Variants in MUC5B observed in about 807,000 individuals in gnomAD.
MUC5B encodes mucin-5B.
A neutral mutation model predicts 376.9 loss-of-function variants in MUC5B; 116 were observed. That is an observed-to-expected ratio of 0.31 (90% CI 0.26 to 0.36). The LOEUF (loss-of-function observed/expected upper bound fraction) is 0.36. Among genes scored for constraint, MUC5B ranks in the 10% least tolerant of loss-of-function variants. MUC5B has a pLI of 1.00. For synonymous variants in MUC5B, 3,517 were observed against 3,390.9 expected, an observed-to-expected ratio of 1.04 and a Z score of -1.29; for missense variants, 7,165 against 7,769.9, an observed-to-expected ratio of 0.92 and a Z score of 2.93.
chr11:1,242,389 G>C lies in MUC5B; in HGVS notation c.5509G>C (p.Glu1837Gln). 2 of 1,613,882 alleles carry C rather than the reference G, an allele frequency of 1.2e-6. No homozygotes were observed. The highest frequency in any genetic ancestry group is 1.7e-6 in the Non-Finnish European group (2 of 1,179,858). ...AGAGTGCCGGGCGGAGAACTACCCCGAGGTAAGCATCGACCAGGTCGGGCA... is the reference window on the plus strand; with the variant it reads ...AGAGTGCCGGGCGGAGAACTACCCCCAGGTAAGCATCGACCAGGTCGGGCA... ...SIECRAENYP[E>Q]VSIDQVGQVL... The change falls in exon 31 of 49, where the codon GAG becomes CAG. Residue 1837 changes from glutamate (E) to glutamine (Q), a missense_variant. Physicochemically the swap from Glu to Gln is conservative, Grantham distance 29 (BLOSUM62 2). Transcript: ENST00000529681.
intron 14 of MUC5B, among the ~76,000 whole-genome samples, 180 bp from the exon 15 acceptor site, chr11:1,231,816 A>G (rs892623948): frequency 2.6e-5 from 4 of 152,198 alleles, no homozygotes; most frequent in African/African-American, 7.2e-5. Context: ...GGCTTTGCAC[A>G]GGGGCCGACT....
intron 30 of MUC5B, 54 bp downstream of exon 30, chr11:1,240,429 AC>A: frequency 4.0e-6 from 6 of 1,488,304 alleles, no homozygotes; most frequent in Non-Finnish European, 5.5e-6. Flanking sequence ...GACAAGGAGG[AC>A]CCCCTGGGCT....
Position 1,248,490 on chromosome 11 carries a change from C to T in MUC5B, c.11610C>T (p.Thr3870=), listed in dbSNP as rs371227682. ...AHTTKVPTTT[T]TGFTVTPSSS... ...CTACCAAAGTGCCGACTACCACAACCACGGGCTTCACAGTCACCCCCTCCT... is the reference window on the plus strand; with the variant it reads ...CTACCAAAGTGCCGACTACCACAACTACGGGCTTCACAGTCACCCCCTCCT... Residue 3870 remains threonine (T), a synonymous_variant, in exon 31 of 49, where the codon ACC becomes ACT. Coordinates refer to ENST00000529681, the MANE Select transcript of MUC5B (RefSeq NM_002458.3). 1.5e-5 allele frequency: 24 copies of T among 1,612,002 alleles called. No homozygotes were observed. Among genetic ancestry groups the T allele is most frequent in the Non-Finnish European group, 2.0e-5 (24 of 1,178,890 alleles).
At position 1,246,464 on chromosome 11, in the gene MUC5B, T is replaced by C. The variant is rs750974135; in HGVS notation, c.9584T>C (p.Val3195Ala). The C allele has an allele frequency of 1.2e-6, 2 of 1,613,282 alleles. No homozygotes were observed. The highest frequency in any genetic ancestry group is 8.5e-7 in the Non-Finnish European group (1 of 1,179,712). ...CGGGCAACTGCTGGCACCCTCAAAGTGCTGACCAGCACGGCCACCACACCC... is the reference window on the plus strand; with the variant it reads ...CGGGCAACTGCTGGCACCCTCAAAGCGCTGACCAGCACGGCCACCACACCC... ...STRATAGTLK[V>A]LTSTATTPTV... The change falls in exon 31 of 49, where the codon GTG becomes GCG. Residue 3195 changes from valine (V) to alanine (A), a missense_variant. Physicochemically the swap from Val to Ala is moderately conservative, Grantham distance 64 (BLOSUM62 0). Transcript: ENST00000529681.
chr11:1,257,887 G>T lies in MUC5B; in HGVS notation c.16450+177G>T, dbSNP rs1051700722. Among the ~76,000 whole-genome samples the T allele has an allele frequency of 6.6e-6, 1 of 152,176 alleles. No individual in the cohort carries two copies. Among genetic ancestry groups the T allele is most frequent in the Non-Finnish European group, 1.5e-5 (1 of 68,018 alleles). On this transcript the variant is annotated intron_variant, in intron 41 of 48. Transcript: ENST00000529681. This position sits in a 1 kb window ranked among gnomAD's most constrained non-coding sequence, Gnocchi z 8.9. ...CCAGGTGCTTCATTCTCCTCCTAACGATGAGGCTGGTGACCTCTGGCCTGC... is the reference window on the plus strand; with the variant it reads ...CCAGGTGCTTCATTCTCCTCCTAACTATGAGGCTGGTGACCTCTGGCCTGC...
At position 1,250,713 on chromosome 11, in the gene MUC5B, G is replaced by A. The variant is rs745373536; in HGVS notation, c.13833G>A (p.Thr4611=). 3.5e-5 allele frequency: 57 copies of A among 1,611,222 alleles called. No homozygotes were observed. Among genetic ancestry groups the A allele is most frequent in the Non-Finnish European group, 4.5e-5 (53 of 1,179,004 alleles). Residue 4611 remains threonine (T), a synonymous_variant, in exon 31 of 49, where the codon ACG becomes ACA. Transcript: ENST00000529681. ...FTATPSSSPG[T]ALTPPVWIST... ...CCACCCCCTCCTCCAGCCCAGGGAC[G>A]GCACTCACGCCTCCAGTGTGGATCA...
intron 7 of MUC5B, 56 bp downstream of exon 7, chr11:1,227,837 G>C (rs1405893472): frequency 3.0e-6 from 2 of 673,866 alleles, no homozygotes; most frequent in South Asian, 1.6e-5. Flanking sequence ...GGTCCAGGGG[G>C]AGCTGGGCCG....
At chr11:1,226,394 C>A in intron 3 of MUC5B, 118 bp downstream of exon 3, 1 of 1,369,574 alleles carries the variant, frequency 7.3e-7, no homozygotes, top group Middle Eastern at 1.8e-4. Flanking sequence ...GACCCAGAGT[C>A]CTCCGTGTGG....
In MUC5B at chr11:1,247,743, C is replaced by T. The variant is rs761206882; in HGVS notation, c.10863C>T (p.Ala3621=). The change falls in exon 31 of 49, where the codon GCC becomes GCT. Residue 3621 remains alanine (A), a synonymous_variant. Coordinates refer to ENST00000529681, the MANE Select transcript of MUC5B (RefSeq NM_002458.3). ...TGGGCCTCGAGTGCCGTGCCCAGGCCCAGCCTGGTGTCCCCCTGCGGGAGT... is the reference window on the plus strand; with the variant it reads ...TGGGCCTCGAGTGCCGTGCCCAGGCTCAGCCTGGTGTCCCCCTGCGGGAGT... ...QPLGLECRAQ[A]QPGVPLRELG... is the part of the protein sequence containing the mutation. 6 of 1,606,470 alleles carry T rather than the reference C, an allele frequency of 3.7e-6. No individual in the cohort carries two copies. The highest frequency in any genetic ancestry group is 4.2e-6 in the Non-Finnish European group (5 of 1,177,128).
chr11:1,260,778 C>A, intron 48 of MUC5B, 50 bp downstream of exon 48: 2 of 1,373,216 alleles, frequency 1.5e-6, no homozygotes, highest in East Asian at 2.4e-5. Context: ...GTGGTGGGTC[C>A]GCCCTGGCCC....
At position 1,246,887 on chromosome 11, in the gene MUC5B, C is replaced by G. The variant is rs928274686; in HGVS notation, c.10007C>G (p.Thr3336Arg). 3.1e-6 allele frequency: 5 copies of G among 1,610,262 alleles called. No individual in the cohort carries two copies. The highest frequency in any genetic ancestry group is 1.7e-5 in the Admixed American group (1 of 59,900). ...TALTPPVWIS[T>R]TTTPTTRGST... ...CTCACGCCTCCAGTGTGGATCAGCA[C>G]AACCACCACACCCACAACCAGAGGC... The change falls in exon 31 of 49, where the codon ACA (threonine) becomes AGA (arginine). Residue 3336 changes from threonine (T) to arginine (R), a missense_variant. Coordinates refer to ENST00000529681, the MANE Select transcript of MUC5B (RefSeq NM_002458.3).
rs1862646366 is a variant in MUC5B at position 1,250,470 on chromosome 11, G to T, written c.13590G>T (p.Leu4530=). 1.3e-6 allele frequency: 2 copies of T among 1,592,920 alleles called. No homozygotes were observed. Among genetic ancestry groups the T allele is most frequent in the Non-Finnish European group, 1.7e-6 (2 of 1,163,902 alleles). The change falls in exon 31 of 49, where the codon CTG becomes CTT. Residue 4530 remains leucine (L), a synonymous_variant. Coordinates refer to ENST00000529681, the MANE Select transcript of MUC5B (RefSeq NM_002458.3). ...TTACAGCCATCCCCTCCTCCTCCCT[G>T]GGCACCACCTGGACCCGCCTATCAC... ...TSFTAIPSSS[L]GTTWTRLSQT...
rs1009270466 is a variant in MUC5B at position 1,244,645 on chromosome 11, G to T, written c.7765G>T (p.Ala2589Ser). ...VLTTTATTTG[A>S]TGSVATPSST... ...TACCACCACGGCCACCACAACCGGG[G>T]CCACCGGCTCTGTGGCCACCCCCTC... The change falls in exon 31 of 49, where the codon GCC becomes TCC. Residue 2589 changes from alanine (A) to serine (S), a missense_variant. By Grantham distance (99) the Ala-to-Ser change is moderately conservative. Coordinates refer to ENST00000529681, the MANE Select transcript of MUC5B (RefSeq NM_002458.3). 6.2e-7 allele frequency: 1 copy of T among 1,612,022 alleles called. No individual in the cohort carries two copies. Among genetic ancestry groups the T allele is most frequent in the Non-Finnish European group, 8.5e-7 (1 of 1,179,372 alleles).
chr11:1,240,744 C>T, intron 30 of MUC5B, 107 bp from the exon 31 acceptor site: 1 of 1,108,006 alleles, frequency 9.0e-7, no homozygotes, highest in Non-Finnish European at 1.3e-6. Context: ...CAGTATCCCA[C>T]AGGGGCAGGG....
Position 1,241,742 on chromosome 11 carries a change from C to G in MUC5B, c.4862C>G (p.Thr1621Ser). Reference protein sequence around the residue: ...PPTTELETATTTTTQALFSTP... With the variant: ...PPTTELETATSTTTQALFSTP... ...ACCACAGAGCTGGAGACGGCCACCA[C>G]CACCACCACCCAGGCCCTGTTCTCA... Residue 1621 changes from threonine (T) to serine (S), a missense_variant, in exon 31 of 49, where the codon ACC becomes AGC. Around this residue, in one of 31 missense-constraint regions of MUC5B, gnomAD observed 897 missense variants for 779.6 expected, o/e 1.15. Coordinates refer to ENST00000529681, the MANE Select transcript of MUC5B (RefSeq NM_002458.3). The G allele has an allele frequency of 6.2e-7, 1 of 1,612,308 alleles. No homozygotes were observed. Among genetic ancestry groups the G allele is most frequent in the Non-Finnish European group, 8.5e-7 (1 of 1,179,594 alleles).
At chr11:1,235,654 G>A (rs1298074930) in intron 23 of MUC5B, among the ~76,000 whole-genome samples, 2 of 152,178 alleles carry the variant, frequency 1.3e-5, no homozygotes, top group Non-Finnish European at 2.9e-5. Context: ...GTCTGGGGAG[G>A]TCCTTCCTGC....
chr11:1,248,430 G>T lies in MUC5B; in HGVS notation c.11550G>T (p.Val3850=), dbSNP rs1006601422. 6.2e-7 allele frequency: 1 copy of T among 1,608,042 alleles called. No homozygotes were observed. Among genetic ancestry groups the T allele is most frequent in the African/African-American group, 1.4e-5 (1 of 73,320 alleles). The change falls in exon 31 of 49, where the codon GTG becomes GTT. Residue 3850 remains valine (V), a synonymous_variant. Transcript: ENST00000529681. ...CCACAACCAGGGCCACCGGCTCTGT[G>T]GCCACCCCCTCTTCCACCCCAGGAA... ...TATTTRATGS[V]ATPSSTPGTA... is the part of the protein sequence containing the mutation.
In MUC5B at chr11:1,232,826, C is replaced by T. The variant is rs1260109018; in HGVS notation, c.2065+56C>T. The T allele has an allele frequency of 9.2e-6, 14 of 1,519,790 alleles. No individual in the cohort carries two copies. In the South Asian group the frequency reaches 1.5e-4, roughly 16 times the overall value. The allele number at this position is 1,519,790 out of a possible 1,614,324, so 94.1% of individuals were successfully genotyped here. A position where few individuals can be genotyped will look rare whatever the true frequency, so the allele number is the denominator to read the frequency against. On this transcript the variant is annotated intron_variant, in intron 17 of 48. Coordinates refer to ENST00000529681, the MANE Select transcript of MUC5B (RefSeq NM_002458.3). ...CCACACCGCGTGGGGGTGCGGGGGA[C>T]CCTGGCCGGCAGCAGCCGTCACTCA...
Position 1,248,711 on chromosome 11 carries a change from C to A in MUC5B, c.11831C>A (p.Pro3944His). Residue 3944 changes from proline (P) to histidine (H), a missense_variant, in exon 31 of 49, where the codon CCC becomes CAC. Physicochemically the swap from Pro to His is moderately conservative, Grantham distance 77 (BLOSUM62 -2). Transcript: ENST00000529681. ...PSSSTQTSGT[P>H]PSLITTATTI... is the part of the protein sequence containing the mutation. The stretch of plus-strand genomic sequence containing the variant: ...TCTAGCACACAGACCAGTGGTACTC[C>A]CCCATCACTGATCACCACGGCCACT... The A allele has an allele frequency of 1.9e-6, 3 of 1,570,512 alleles. No homozygotes were observed. The highest frequency in any genetic ancestry group is 2.6e-6 in the Non-Finnish European group (3 of 1,158,432).
Sources: allele counts gnomAD v4.1 joint callset (sites outside exome capture counted in the v4.1 genomes callset), GRCh38; gene constraint gnomAD v4.1.1; regional missense constraint gnomAD v4.1.1; non-coding constraint Gnocchi (gnomAD v3.1); transcripts MANE v1.5; gene names NCBI Gene and HGNC (gene_info 2026-07-23, HGNC 2026-07-21).